Variants in SLC35F3 observed in about 807,000 individuals in gnomAD.
SLC35F3 encodes putative thiamine transporter SLC35F3.
In SLC35F3, 25 loss-of-function variants were observed where a neutral mutation model predicts 49.9. The ratio of observed to expected loss-of-function variants is 0.50; its 90% CI spans 0.37 to 0.70. The LOEUF (loss-of-function observed/expected upper bound fraction) is 0.70. SLC35F3 is among the 30% of genes least tolerant of loss of function. The pLI, the probability that SLC35F3 is intolerant of heterozygous loss-of-function variation, is 0.00. For synonymous variants in SLC35F3, 275 were observed against 265.4 expected (o/e 1.04, Z -0.35); for missense variants, 525 against 639.8 (o/e 0.82, Z 1.94).
At chr1:234,049,437 CA>C (rs1459946920) in intron 2 of SLC35F3, among the ~76,000 whole-genome samples, 2 of 152,008 alleles carry the variant, frequency 1.3e-5, no homozygotes, top group African/African-American at 2.4e-5. Context: ...TTTAAGGACA[CA>C]ACAAGAAGCC....
chr1:233,987,570 G>A (rs967068524), intron 2 of SLC35F3, among the ~76,000 whole-genome samples: 25 of 151,356 alleles, frequency 1.7e-4, no homozygotes, highest in African/African-American at 5.9e-4. Context: ...TTTGCATCTG[G>A]TATTTTGACG....
intron 2 of SLC35F3, among the ~76,000 whole-genome samples, chr1:234,091,729 T>C (rs1449067657): frequency 6.6e-6 from 1 of 152,276 alleles, no homozygotes; most frequent in African/African-American, 2.4e-5. Flanking sequence ...CTCTTCCCTA[T>C]GCATTATTTT....
At chr1:234,312,855 T>G (rs1657392404) in intron 4 of SLC35F3, among the ~76,000 whole-genome samples, 1 of 127,654 alleles carries the variant, frequency 7.8e-6, no homozygotes, top group Non-Finnish European at 1.6e-5. Context: ...TTTTTTAGGT[T>G]TTTTTGTTTG....
intron 2 of SLC35F3, among the ~76,000 whole-genome samples, chr1:234,197,890 CAG>C (rs1666839657): frequency 6.6e-6 from 1 of 152,230 alleles, no homozygotes; most frequent in Middle Eastern, 3.2e-3. Context: ...ACAAGAAAAA[CAG>C]AAACACCTGA....
chr1:234,185,447 T>TA (rs958905303), intron 2 of SLC35F3, among the ~76,000 whole-genome samples: 10 of 152,366 alleles, frequency 6.6e-5, no homozygotes, highest in African/African-American at 2.4e-4. Flanking sequence ...TTTCATTTTG[T>TA]AATTTTAAGT....
chr1:234,236,533 A>T (rs1466826944), intron 3 of SLC35F3, among the ~76,000 whole-genome samples: 1 of 152,178 alleles, frequency 6.6e-6, no homozygotes, highest in Non-Finnish European at 1.5e-5. Context: ...GAACATTCTA[A>T]GCAGACAGTA....
Position 234,231,707 on chromosome 1 carries a change from T to C in SLC35F3, c.574T>C (p.Ser192Pro). The change falls in exon 3 of 8, where the codon TCC becomes CCC. Residue 192 changes from serine to proline, a missense_variant. By Grantham distance (74) the Ser-to-Pro change is moderately conservative. Coordinates refer to ENST00000366618, the MANE Select transcript of SLC35F3 (RefSeq NM_173508.4). This position sits in a 1 kb window ranked among gnomAD's most constrained non-coding sequence, Gnocchi z 5.4. ...PLYYVGHVCK[S>P]TEKQSVKQRY... ...GTACTACGTGGGGCACGTCTGCAAGTCCACAGAGAAGCAGTCTGTGAAGCA... is the reference window on the plus strand; with the variant it reads ...GTACTACGTGGGGCACGTCTGCAAGCCCACAGAGAAGCAGTCTGTGAAGCA... 1 of 1,613,340 alleles carries C rather than the reference T, an allele frequency of 6.2e-7. No homozygotes were observed. Among genetic ancestry groups the C allele is most frequent in the Non-Finnish European group, 8.5e-7 (1 of 1,179,492 alleles).
chr1:233,939,162 G>A (rs975216386), intron 2 of SLC35F3, among the ~76,000 whole-genome samples: 17 of 152,166 alleles, frequency 1.1e-4, no homozygotes, highest in African/African-American at 4.1e-4. Context: ...GTATAGTTAA[G>A]TATTGTTGGC....
intron 2 of SLC35F3, among the ~76,000 whole-genome samples, chr1:233,977,853 G>T (rs878950528): frequency 6.6e-6 from 1 of 152,166 alleles, no homozygotes; most frequent in Non-Finnish European, 1.5e-5. Flanking sequence ...CAATTGTCAG[G>T]CCAGGGCGTT....
chr1:233,942,350 GT>G (rs200160057), intron 2 of SLC35F3, among the ~76,000 whole-genome samples: 2,953 of 152,166 alleles, frequency 0.019, 49 homozygotes, highest in Middle Eastern at 0.051. Flanking sequence ...GCCTCTTGGG[GT>G]TTTTGATGTT....
chr1:234,128,308 T>C (rs1252846642), intron 2 of SLC35F3, among the ~76,000 whole-genome samples: 1 of 152,186 alleles, frequency 6.6e-6, no homozygotes, highest in African/African-American at 2.4e-5. Flanking sequence ...CTCTGCTGTC[T>C]CTGCATCACC....
chr1:234,179,216 G>C (rs1036212939), intron 2 of SLC35F3, among the ~76,000 whole-genome samples: 1 of 152,122 alleles, frequency 6.6e-6, no homozygotes, highest in Non-Finnish European at 1.5e-5. Flanking sequence ...AGTGAACAGA[G>C]AATTTTAGGG....
intron 2 of SLC35F3, among the ~76,000 whole-genome samples, chr1:234,147,909 C>T (rs982476961): frequency 6.6e-6 from 1 of 152,156 alleles, no homozygotes; most frequent in African/African-American, 2.4e-5. Context: ...ACAAGTCCAC[C>T]GGTGATGCAG....
rs1371725070 is a variant in SLC35F3 at position 234,193,704 on chromosome 1, G to A, written c.284-37713G>A. ...TCTTCACAACTTGTAATCCTACAAA[G>A]GACTAATATCCAGAATCTACAACAA... is the stretch of plus-strand genomic sequence containing the variant. On this transcript the variant is annotated intron_variant, in intron 2 of 7. Transcript: ENST00000366618. 3.3e-5 allele frequency among the ~76,000 whole-genome samples: 5 copies of A among 152,232 alleles called. No homozygotes were observed. In the East Asian group the frequency reaches 9.6e-4, roughly 29 times the overall value.
intron 2 of SLC35F3, among the ~76,000 whole-genome samples, chr1:233,976,210 T>C (rs1165311681): frequency 6.6e-6 from 1 of 152,176 alleles, no homozygotes; most frequent in Non-Finnish European, 1.5e-5. Flanking sequence ...TACTATAGTC[T>C]CCTTGTAGAA....
At chr1:234,130,737 G>A (rs6671630) in intron 2 of SLC35F3, among the ~76,000 whole-genome samples, 9,297 of 151,904 alleles carry the variant, frequency 0.061, 426 homozygotes, top group African/African-American at 0.12. Context: ...GCATATATTG[G>A]CACCATCACT....
chr1:233,996,542 T>TGA (rs1553295556), intron 2 of SLC35F3, among the ~76,000 whole-genome samples: 1 of 151,878 alleles, frequency 6.6e-6, no homozygotes, highest in Non-Finnish European at 1.5e-5. Flanking sequence ...GATGAGGACT[T>TGA]GGGGGGAATT....
chr1:234,113,644 A>T (rs1361206415), intron 2 of SLC35F3, among the ~76,000 whole-genome samples: 2 of 152,146 alleles, frequency 1.3e-5, no homozygotes, highest in Non-Finnish European at 2.9e-5. Flanking sequence ...TGGGCAGATC[A>T]CCTGAGATCA....
chr1:234,167,267 G>A (rs940221656), intron 2 of SLC35F3, among the ~76,000 whole-genome samples: 5 of 152,070 alleles, frequency 3.3e-5, no homozygotes, highest in East Asian at 1.9e-4. Context: ...GTCTCATTAC[G>A]TCTTCACCAC....
Sources: allele counts gnomAD v4.1 joint callset (sites outside exome capture counted in the v4.1 genomes callset), GRCh38; gene constraint gnomAD v4.1.1; non-coding constraint Gnocchi (gnomAD v3.1); transcripts MANE v1.5; gene names NCBI Gene and HGNC (gene_info 2026-07-23, HGNC 2026-07-21).